CAMTA2: variants seen among roughly 807,000 people sequenced by gnomAD.
The protein encoded by CAMTA2 is calmodulin binding transcription activator 2, also known as calmodulin-binding transcription activator 2.
Under a neutral mutation model 135.7 loss-of-function variants are expected in CAMTA2, and 56 were observed. That is an observed-to-expected ratio of 0.41 (90% confidence interval 0.33 to 0.52). The LOEUF is 0.52. Ranked by LOEUF, CAMTA2 falls within the 20% of genes least tolerant of loss-of-function variation. The pLI is 0.16. For missense variants in CAMTA2, 1,358 were observed against 1,553.4 expected (o/e 0.87, Z 2.11); for synonymous variants, 591 against 604.6 (o/e 0.98, Z 0.33).
chr17:4,968,635 A>T lies in CAMTA2; in HGVS notation c.*121T>A. On this transcript the variant is annotated 3_prime_UTR_variant, in exon 23 of 23. Transcript: ENST00000348066. ...TGGGGAGGAGGGAGGAGGCCTACAG[A>T]GGGCTCCAACAAAGGTGAACAGGAA... The T allele has an allele frequency of 1.9e-6, 2 of 1,078,308 alleles. No homozygotes were observed. Among genetic ancestry groups the T allele is most frequent in the South Asian group, 2.6e-5 (2 of 77,284 alleles). 66.8% of individuals were successfully genotyped at this position (1,078,308 alleles called of 1,614,324 possible).
At chr17:4,981,195 A>C (rs758259637) in intron 8 of CAMTA2, 30 bp downstream of exon 8, 2 of 1,609,858 alleles carry the variant, frequency 1.2e-6, no homozygotes. Flanking sequence ...CTAGGTGGGA[A>C]GACAGCCAAA....
intron 4 of CAMTA2, 21 bp from the exon 5 acceptor site, chr17:4,982,913 C>T (rs375932316): frequency 6.2e-7 from 1 of 1,614,190 alleles, no homozygotes; most frequent in Non-Finnish European, 8.5e-7. Context: ...AAGGGTTGCC[C>T]TGGAGTTCTG....
In CAMTA2 at chr17:4,969,346, G is replaced by T. The variant is rs1972112773; in HGVS notation, c.3283-9C>A. 1.9e-6 allele frequency: 3 copies of T among 1,613,374 alleles called. No homozygotes were observed. In the African/African-American group the frequency reaches 4.0e-5, roughly 22 times the overall value. On this transcript the variant is annotated splice_polypyrimidine_tract_variant and intron_variant, in intron 20 of 22. Transcript: ENST00000348066. The surrounding 1 kb of genome is among the most constrained non-coding windows in gnomAD (Gnocchi z 5.6). ...TTCTTATAGAGTGCAAACTGCAGGGGTGGGGAGGAGGGACAGGGGCTGAAA... is the reference window on the plus strand; with the variant it reads ...TTCTTATAGAGTGCAAACTGCAGGGTTGGGGAGGAGGGACAGGGGCTGAAA...
intron 11 of CAMTA2, 42 bp downstream of exon 11, chr17:4,977,016 G>A (rs1972655556): frequency 6.2e-7 from 1 of 1,609,110 alleles, no homozygotes; most frequent in African/African-American, 1.3e-5. Flanking sequence ...ATGCTTAAAG[G>A]CTGTGGGCTG....
Position 4,972,279 on chromosome 17 carries a change from C to G in CAMTA2, c.2761G>C (p.Ala921Pro). Reference sequence around the variant, plus strand: ...GGGCTGTCAGCGTCCTCTGGAGCAGCCCCATCATCTGAAGCTGGTGGGAGG... The same window carrying G: ...GGGCTGTCAGCGTCCTCTGGAGCAGGCCCATCATCTGAAGCTGGTGGGAGG... ...PALPPASDDG[A>P]APEDADSPQA... Residue 921 changes from alanine (A) to proline (P), a missense_variant, in exon 16 of 23, where the codon GCT (alanine) becomes CCT (proline). This residue lies in a region of CAMTA2 where 1,077 missense variants were observed against 1,127.5 expected (regional missense o/e 0.96). Coordinates refer to ENST00000348066, the MANE Select transcript of CAMTA2 (RefSeq NM_015099.4). 1.2e-6 allele frequency: 2 copies of G among 1,613,958 alleles called. No individual in the cohort carries two copies. Among genetic ancestry groups the G allele is most frequent in the Non-Finnish European group, 1.7e-6 (2 of 1,179,916 alleles).
intron 7 of CAMTA2, 115 bp from the exon 8 acceptor site, chr17:4,981,474 G>T: frequency 6.9e-7 from 1 of 1,440,616 alleles, no homozygotes; most frequent in South Asian, 1.3e-5. Flanking sequence ...GTGAACAGAG[G>T]CCAGCAGCCT....
chr17:4,985,689 G>A (rs1814038664), intron 3 of CAMTA2, among the ~76,000 whole-genome samples, 191 bp downstream of exon 3: 1 of 152,124 alleles, frequency 6.6e-6, no homozygotes, highest in African/African-American at 2.4e-5. Context: ...CTCCCAAAGT[G>A]CTGGGATTAC....
At position 4,968,718 on chromosome 17, in the gene CAMTA2, G is replaced by A; in HGVS notation, c.*38C>T. On this transcript the variant is annotated 3_prime_UTR_variant, in exon 23 of 23. Transcript: ENST00000348066. ...AGCCCTCTCCCTGTTAAGACTGCACGAGGCGCCCCCAGGGTGGTGAGAAAG... is the reference window on the plus strand; with the variant it reads ...AGCCCTCTCCCTGTTAAGACTGCACAAGGCGCCCCCAGGGTGGTGAGAAAG... 6.2e-7 allele frequency: 1 copy of A among 1,613,236 alleles called. No homozygotes were observed. The highest frequency in any genetic ancestry group is 8.5e-7 in the Non-Finnish European group (1 of 1,179,772).
At chr17:4,984,625 A>C (rs1248997112) in intron 3 of CAMTA2, among the ~76,000 whole-genome samples, 2 of 152,234 alleles carry the variant, frequency 1.3e-5, no homozygotes, top group Admixed American at 6.5e-5. Context: ...ATAAATATCA[A>C]CAACCAACTA....
chr17:4,982,333 A>G, intron 5 of CAMTA2, 173 bp from the exon 6 acceptor site: 1 of 625,930 alleles, frequency 1.6e-6, no homozygotes, highest in Admixed American at 2.5e-5. Context: ...CCTGAGTCAT[A>G]GATGAGCAGT....
At chr17:4,982,925 G>C (rs1973050772) in intron 4 of CAMTA2, 33 bp from the exon 5 acceptor site, 1 of 1,613,996 alleles carries the variant, frequency 6.2e-7, no homozygotes, top group Non-Finnish European at 8.5e-7. Flanking sequence ...GGAGTTCTGT[G>C]AACAGAACCC....
At chr17:4,987,033 C>A in intron 1 of CAMTA2, 1 of 1,418,602 alleles carries the variant, frequency 7.0e-7, no homozygotes. Context: ...GCTCTCAGCA[C>A]GGGCTCCGCC....
intron 15 of CAMTA2, 75 bp downstream of exon 15, chr17:4,972,694 C>G: frequency 6.7e-7 from 1 of 1,492,960 alleles, no homozygotes; most frequent in Middle Eastern, 1.7e-4. Flanking sequence ...TACTCGTTTC[C>G]CACACCCTTT....
chr17:4,971,713 C>G (rs868436435), intron 16 of CAMTA2, among the ~76,000 whole-genome samples: 1 of 126,638 alleles, frequency 7.9e-6, no homozygotes, highest in Non-Finnish European at 1.6e-5. Context: ...TTTTTTGAGA[C>G]AGTCTCAGTC....
At position 4,979,734 on chromosome 17, in the gene CAMTA2, G is replaced by GA; in HGVS notation, c.1587dup (p.Pro530SerfsTer4). 1 of 1,614,098 alleles carries GA rather than the reference G, an allele frequency of 6.2e-7. No homozygotes were observed. The highest frequency in any genetic ancestry group is 8.5e-7 in the Non-Finnish European group (1 of 1,179,978). Reference sequence around the variant, plus strand: ...AAGTCTGTGATGGTGCTAAGAGCAGGAGACAGCTGGGGGGTCGGAGCAGGG... The same window carrying GA: ...AAGTCTGTGATGGTGCTAAGAGCAGGAAGACAGCTGGGGGGTCGGAGCAGGG... On this transcript the variant is annotated frameshift_variant, in exon 9 of 23. Transcript: ENST00000348066. LOFTEE classifies it high-confidence loss of function.
rs750393389 is a variant in CAMTA2, at chr17:4,972,512, G to A, written c.2528C>T (p.Ser843Leu). The change falls in exon 16 of 23, where the codon TCG (serine) becomes TTG (leucine). Residue 843 changes from serine (S) to leucine (L), a missense_variant. Ser to Leu is a moderately radical substitution (Grantham distance 145, BLOSUM62 -2). Transcript: ENST00000348066. ...DTGLSSVSSPSELSDGTFSVT... is the reference protein window; with the variant it reads ...DTGLSSVSSPLELSDGTFSVT... Reference sequence around the variant, plus strand: ...GGAAAAGGTGCCATCCGACAGCTCCGAGGGCGAGGAGACGCTGCTCAGACC... The same window carrying A: ...GGAAAAGGTGCCATCCGACAGCTCCAAGGGCGAGGAGACGCTGCTCAGACC... 54 of 1,607,658 alleles carry A rather than the reference G, an allele frequency of 3.4e-5. No homozygotes were observed. The highest frequency in any genetic ancestry group is 1.7e-4 in the Middle Eastern group (1 of 6,010).
rs1972414014 is a variant in CAMTA2, at chr17:4,973,225, C to G, written c.2230G>C (p.Glu744Gln). The G allele has an allele frequency of 1.2e-6, 2 of 1,614,100 alleles. No homozygotes were observed. Among genetic ancestry groups the G allele is most frequent in the East Asian group, 2.2e-5 (1 of 44,876 alleles). Reference protein sequence around the residue: ...RSVETGSLDLEQEVDPLNVDH... With the variant: ...RSVETGSLDLQQEVDPLNVDH... ...ACGTTGAGCGGGTCAACCTCCTGCTCTAAGTCCAAGCTTCCAGTCTCCACA... is the reference window on the plus strand; with the variant it reads ...ACGTTGAGCGGGTCAACCTCCTGCTGTAAGTCCAAGCTTCCAGTCTCCACA... Residue 744 changes from glutamate to glutamine, a missense_variant, in exon 14 of 23, where the codon GAG becomes CAG. This residue lies in a region of CAMTA2 where 1,077 missense variants were observed against 1,127.5 expected (regional missense o/e 0.96). Coordinates refer to ENST00000348066, the MANE Select transcript of CAMTA2 (RefSeq NM_015099.4).
intron 14 of CAMTA2, 75 bp from the exon 15 acceptor site, chr17:4,973,066 C>G: frequency 6.6e-7 from 1 of 1,507,024 alleles, no homozygotes; most frequent in South Asian, 1.1e-5. Context: ...GTAGTCAGGT[C>G]TTCAGGCCCC....
chr17:4,969,532 A>G lies in CAMTA2; in HGVS notation c.3262-12T>C, dbSNP rs775221134. Reference sequence around the variant, plus strand: ...GCAATCCAGGTCAGCTTGTGGAGAGAGAAGGGGAGTTAGGGCTCTGGCAAC... The same window carrying G: ...GCAATCCAGGTCAGCTTGTGGAGAGGGAAGGGGAGTTAGGGCTCTGGCAAC... On this transcript the variant is annotated splice_polypyrimidine_tract_variant and intron_variant, in intron 19 of 22. Transcript: ENST00000348066. This position sits in a 1 kb window ranked among gnomAD's most constrained non-coding sequence, Gnocchi z 5.6. The G allele has an allele frequency of 6.2e-6, 10 of 1,613,950 alleles. No individual in the cohort carries two copies. Among genetic ancestry groups the G allele is most frequent in the Non-Finnish European group, 8.5e-6 (10 of 1,180,000 alleles).
Sources: allele counts gnomAD v4.1 joint callset (sites outside exome capture counted in the v4.1 genomes callset), GRCh38; gene constraint gnomAD v4.1.1; regional missense constraint gnomAD v4.1.1; non-coding constraint Gnocchi (gnomAD v3.1); transcripts MANE v1.5; gene names NCBI Gene and HGNC (gene_info 2026-07-23, HGNC 2026-07-21).